NTM: variants seen among roughly 807,000 people sequenced by gnomAD.
The protein encoded by NTM is neurotrimin, also known as IgLON family member 2.
Under a neutral mutation model 42.1 loss-of-function variants are expected in NTM, and 13 were observed. The ratio of observed to expected loss-of-function variants is 0.31; its 90% CI spans 0.20 to 0.49. The LOEUF is 0.49. NTM is among the 20% of genes least tolerant of loss of function. The probability of loss-of-function intolerance (pLI) is 0.99; values close to 1 mark genes in which losing one functional copy is unlikely to be tolerated. For missense variants in NTM, 373 were observed against 452.8 expected, an observed-to-expected ratio of 0.82 and a Z score of 1.60; for synonymous variants, 187 against 179.2, an observed-to-expected ratio of 1.04 and a Z score of -0.35.
intron 1 of NTM, among the ~76,000 whole-genome samples, chr11:131,499,435 C>A (rs922764424): frequency 6.6e-6 from 1 of 152,150 alleles, no homozygotes; most frequent in African/African-American, 2.4e-5. Flanking sequence ...GTCCCCAGCC[C>A]GGTCTGAGCC....
At chr11:131,795,016 T>C (rs966248760) in intron 1 of NTM, 13 of 984,898 alleles carry the variant, frequency 1.3e-5, no homozygotes, top group Non-Finnish European at 1.6e-5. Flanking sequence ...TCAGCCGTGC[T>C]CCTTCCTGGA....
chr11:131,642,912 T>C (rs2065305373), intron 1 of NTM, among the ~76,000 whole-genome samples: 1 of 152,186 alleles, frequency 6.6e-6, no homozygotes, highest in South Asian at 2.1e-4. Context: ...ACGTGAAGCC[T>C]TAATATAGGC....
At chr11:131,389,126 T>G (rs1445332378) in intron 1 of NTM, among the ~76,000 whole-genome samples, 1 of 152,182 alleles carries the variant, frequency 6.6e-6, no homozygotes, top group Non-Finnish European at 1.5e-5. Context: ...GAGCACCTAT[T>G]ATGGGCCAGG....
chr11:131,627,214 C>CT (rs2063196987), intron 1 of NTM, among the ~76,000 whole-genome samples: 1 of 147,324 alleles, frequency 6.8e-6, no homozygotes, highest in African/African-American at 2.5e-5. Flanking sequence ...AAGCAGGCGG[C>CT]TTTTATTTAT....
chr11:131,793,286 T>C (rs1275332644), intron 1 of NTM, among the ~76,000 whole-genome samples: 1 of 152,222 alleles, frequency 6.6e-6, no homozygotes, highest in Non-Finnish European at 1.5e-5. Flanking sequence ...AATAAGGACA[T>C]TAATTTGTTC....
intron 3 of NTM, among the ~76,000 whole-genome samples, chr11:132,165,882 CTTTAA>C (rs1380610708): frequency 6.6e-6 from 1 of 152,036 alleles, no homozygotes; most frequent in Non-Finnish European, 1.5e-5. Context: ...ATATTTCATG[CTTTAA>C]TTTAATTTAT....
At chr11:131,671,097 TG>T (rs1237374966) in intron 1 of NTM, among the ~76,000 whole-genome samples, 4 of 152,116 alleles carry the variant, frequency 2.6e-5, no homozygotes, top group Admixed American at 6.5e-5. Context: ...CTCCCAGCCC[TG>T]TTTCTCTCCA....
chr11:132,199,473 G>T (rs1213383926), intron 3 of NTM, among the ~76,000 whole-genome samples: 1 of 152,184 alleles, frequency 6.6e-6, no homozygotes, highest in Non-Finnish European at 1.5e-5. Flanking sequence ...ATCTTTTACA[G>T]TTCTCAATAG....
intron 2 of NTM, among the ~76,000 whole-genome samples, chr11:132,131,020 G>A (rs2066722909): frequency 6.6e-6 from 1 of 152,206 alleles, no homozygotes. Flanking sequence ...AAAGGGCTTT[G>A]CATGCTGTCA....
At chr11:131,515,503 A>G (rs2048789877) in intron 1 of NTM, among the ~76,000 whole-genome samples, 1 of 152,220 alleles carries the variant, frequency 6.6e-6, no homozygotes, top group African/African-American at 2.4e-5. Flanking sequence ...GGATAATTGA[A>G]GGTGAACTAC....
chr11:132,086,619 G>A (rs917761899), intron 2 of NTM, among the ~76,000 whole-genome samples: 44 of 152,108 alleles, frequency 2.9e-4, no homozygotes, highest in African/African-American at 1.1e-3. Context: ...CAATTAAGAC[G>A]CTAAAAGCAC....
intron 1 of NTM, among the ~76,000 whole-genome samples, chr11:131,671,780 G>A (rs1392283949): frequency 6.6e-6 from 1 of 152,220 alleles, no homozygotes; most frequent in African/African-American, 2.4e-5. Context: ...TGTGTCCCCT[G>A]AGCTCGCCTC....
intron 2 of NTM, among the ~76,000 whole-genome samples, chr11:132,004,731 A>C (rs1394488751): frequency 6.6e-6 from 1 of 152,036 alleles, no homozygotes; most frequent in African/African-American, 2.4e-5. Context: ...TGGTAGGATC[A>C]CAATCATTCA....
Position 131,707,540 on chromosome 11 carries a change from T to C in NTM, c.83-204024T>C, listed in dbSNP as rs112707524. On this transcript the variant is annotated intron_variant, in intron 1 of 8. Coordinates refer to ENST00000683400, the MANE Select transcript of NTM (RefSeq NM_001352005.2). ...GTGGAATTGGTGGATCATATTGTAA[T>C]TTTATTTTTAGTTTTGAAAGGGACC... is the stretch of plus-strand genomic sequence containing the variant. Among the ~76,000 whole-genome samples the C allele has an allele frequency of 3.9e-3, 593 of 152,244 alleles. 6 individuals carry two copies. The highest frequency in any genetic ancestry group is 0.014 in the African/African-American group (568 of 41,570).
intron 2 of NTM, among the ~76,000 whole-genome samples, chr11:131,932,372 C>T (rs1282686884): frequency 6.6e-6 from 1 of 152,158 alleles, no homozygotes; most frequent in Non-Finnish European, 1.5e-5. Flanking sequence ...TCAACAAAAA[C>T]ATGCATTATT....
intron 1 of NTM, among the ~76,000 whole-genome samples, chr11:131,777,809 C>T (rs561867702): frequency 1.3e-5 from 2 of 152,230 alleles, no homozygotes; most frequent in East Asian, 1.9e-4. Context: ...AATGCTTCAG[C>T]ATACATTTCC....
intron 1 of NTM, among the ~76,000 whole-genome samples, chr11:131,586,404 C>T (rs1284508777): frequency 6.6e-6 from 1 of 152,220 alleles, no homozygotes; most frequent in Admixed American, 6.5e-5. Context: ...TGGATTTCCT[C>T]TTGGGCAAGC....
At position 131,557,175 on chromosome 11, in the gene NTM, A is replaced by G. The variant is rs563813581; in HGVS notation, c.82+186287A>G. Among the ~76,000 whole-genome samples the G allele has an allele frequency of 2.0e-5, 3 of 152,338 alleles. No homozygotes were observed. The South Asian group carries it at 6.2e-4, about 32-fold the overall frequency. On this transcript the variant is annotated intron_variant, in intron 1 of 8. Coordinates refer to ENST00000683400, the MANE Select transcript of NTM (RefSeq NM_001352005.2). ...TAAGCCAATGGAAGAAGTTGGGCTT[A>G]AAGTTGAGTAACTAAAGTAGGGTAA... is the stretch of plus-strand genomic sequence containing the variant.
At chr11:131,683,364 C>G (rs1438959586) in intron 1 of NTM, among the ~76,000 whole-genome samples, 2 of 152,148 alleles carry the variant, frequency 1.3e-5, no homozygotes, top group Non-Finnish European at 2.9e-5. Flanking sequence ...GCAGGGTGCA[C>G]GGGAGGAGGG....
Sources: allele counts gnomAD v4.1 joint callset (sites outside exome capture counted in the v4.1 genomes callset), GRCh38; gene constraint gnomAD v4.1.1; transcripts MANE v1.5; gene names NCBI Gene and HGNC (gene_info 2026-07-23, HGNC 2026-07-21).